Variants in CTNNA3 observed in about 807,000 individuals in gnomAD.
CTNNA3 encodes the protein catenin alpha-3.
A neutral mutation model predicts 95.7 loss-of-function variants in CTNNA3; 76 were observed. That is an observed-to-expected ratio of 0.79 (90% CI 0.66 to 0.96). CTNNA3 has a LOEUF of 0.96. Ranked by LOEUF, CTNNA3 falls within the 40% of genes least tolerant of loss-of-function variation. The pLI, the probability that CTNNA3 is intolerant of heterozygous loss-of-function variation, is 0.00. For synonymous variants in CTNNA3, 431 were observed against 374.4 expected, an observed-to-expected ratio of 1.15 and a Z score of -1.74; for missense variants, 1,191 against 1,089.8, an observed-to-expected ratio of 1.09 and a Z score of -1.31.
At chr10:66,578,917 CTG>C (rs1342963941) in intron 10 of CTNNA3, among the ~76,000 whole-genome samples, 1 of 150,256 alleles carries the variant, frequency 6.7e-6, no homozygotes, top group Non-Finnish European at 1.5e-5. Flanking sequence ...TTAGTACTAG[CTG>C]TTTTTTGTAT....
chr10:66,919,281 T>C (rs1388709611), intron 7 of CTNNA3, among the ~76,000 whole-genome samples: 1 of 152,108 alleles, frequency 6.6e-6, no homozygotes, highest in Non-Finnish European at 1.5e-5. Context: ...GGAGTTGATA[T>C]TTATTATACT....
chr10:67,115,857 TC>T (rs1183268032), intron 7 of CTNNA3, among the ~76,000 whole-genome samples: 1 of 151,810 alleles, frequency 6.6e-6, no homozygotes, highest in East Asian at 1.9e-4. Flanking sequence ...ATCTGACACT[TC>T]CTAGGCCAAA....
Position 65,954,568 on chromosome 10 carries a change from G to A in CTNNA3, c.2400+12044C>T, listed in dbSNP as rs534661794. Among the ~76,000 whole-genome samples the A allele has an allele frequency of 4.8e-4, 73 of 152,254 alleles. 1 individual carries two copies. The highest frequency in any genetic ancestry group is 1.7e-3 in the African/African-American group (70 of 41,546). On this transcript the variant is annotated intron_variant, in intron 17 of 17. Transcript: ENST00000433211. ...CATCTTGACTTAATTTTTGTATAAG[G>A]TGTAAGGAAGGGATCCAGTTTCAGC...
At chr10:67,210,741 C>T (rs989528386) in intron 6 of CTNNA3, among the ~76,000 whole-genome samples, 1 of 148,870 alleles carries the variant, frequency 6.7e-6, no homozygotes, top group African/African-American at 2.5e-5. Context: ...TGGGGGGGGG[C>T]TCAATAAAAA....
chr10:66,956,599 T>C (rs1055465356), intron 7 of CTNNA3, among the ~76,000 whole-genome samples: 1 of 152,174 alleles, frequency 6.6e-6, no homozygotes, highest in Non-Finnish European at 1.5e-5. Context: ...CTGCAAAAAG[T>C]CAATAGTCAA....
chr10:67,101,143 C>A (rs1858313198), intron 7 of CTNNA3, among the ~76,000 whole-genome samples: 1 of 151,632 alleles, frequency 6.6e-6, no homozygotes, highest in Non-Finnish European at 1.5e-5. Context: ...TGTGAATGTG[C>A]AGAACAGATG....
intron 9 of CTNNA3, among the ~76,000 whole-genome samples, chr10:66,678,492 T>A (rs950990998): frequency 1.1e-4 from 17 of 152,160 alleles, no homozygotes; most frequent in South Asian, 4.1e-4. Context: ...CCCCTGCCCT[T>A]AAGTTGTCTA....
chr10:67,064,330 T>C (rs547074207), intron 7 of CTNNA3, among the ~76,000 whole-genome samples: 1 of 152,326 alleles, frequency 6.6e-6, no homozygotes, highest in South Asian at 2.1e-4. Flanking sequence ...TTTTCTACAA[T>C]GATCCATCCC....
At chr10:67,284,514 TG>T (rs1232330126) in intron 5 of CTNNA3, among the ~76,000 whole-genome samples, 1 of 152,208 alleles carries the variant, frequency 6.6e-6, no homozygotes, top group Non-Finnish European at 1.5e-5. Flanking sequence ...TATTTTTATC[TG>T]TACTTACAGC....
intron 12 of CTNNA3, among the ~76,000 whole-genome samples, chr10:66,317,045 G>T (rs373478278): frequency 6.6e-6 from 1 of 151,988 alleles, no homozygotes; most frequent in Non-Finnish European, 1.5e-5. Flanking sequence ...GTTCAGTTTC[G>T]CATTACATTC....
chr10:66,314,525 TCTTG>T (rs1482447065), intron 12 of CTNNA3, among the ~76,000 whole-genome samples: 6 of 152,086 alleles, frequency 3.9e-5, no homozygotes, highest in African/African-American at 1.4e-4. Flanking sequence ...AAGGGGACAT[TCTTG>T]AAGTATGGCA....
chr10:67,145,721 G>A (rs12267157), intron 7 of CTNNA3, among the ~76,000 whole-genome samples: 2,734 of 152,064 alleles, frequency 0.018, 60 homozygotes, highest in African/African-American at 0.063. Context: ...GAGCCACTGC[G>A]CCCGGCCTGA....
At chr10:66,328,020 T>C (rs1210639641) in intron 12 of CTNNA3, among the ~76,000 whole-genome samples, 4 of 152,072 alleles carry the variant, frequency 2.6e-5, no homozygotes, top group Non-Finnish European at 4.4e-5. Context: ...GAATCTAACA[T>C]CACCATTCTT....
At chr10:66,237,437 T>C (rs1009709810) in intron 13 of CTNNA3, among the ~76,000 whole-genome samples, 2 of 152,040 alleles carry the variant, frequency 1.3e-5, no homozygotes, top group Admixed American at 6.6e-5. Context: ...TGTTATTCGA[T>C]CCTCCTTGGC....
At chr10:67,611,660 T>TCTATAA (rs1405625982) in intron 2 of CTNNA3, among the ~76,000 whole-genome samples, 2 of 152,156 alleles carry the variant, frequency 1.3e-5, no homozygotes, top group African/African-American at 2.4e-5. Flanking sequence ...ACAATTATAT[T>TCTATAA]CTATAACCTT....
At chr10:67,369,180 G>GT (rs1361097430) in intron 5 of CTNNA3, among the ~76,000 whole-genome samples, 4 of 152,096 alleles carry the variant, frequency 2.6e-5, no homozygotes, top group African/African-American at 9.7e-5. Flanking sequence ...TACTGATGCT[G>GT]TAAGATGAAT....
At chr10:66,541,002 A>G (rs773303202) in intron 10 of CTNNA3, among the ~76,000 whole-genome samples, 1 of 152,158 alleles carries the variant, frequency 6.6e-6, no homozygotes, top group Non-Finnish European at 1.5e-5. Flanking sequence ...TCAGATCTAC[A>G]TGGAATATTT....
rs149706125 is a variant in CTNNA3 at position 66,758,546 on chromosome 10, T to C, written c.1281+7718A>G. ...TTCTTCAGCTAGTTGTCAGTTAGCATGTTTGCTTGTTACCTCTTGACCAAA... is the reference window on the plus strand; with the variant it reads ...TTCTTCAGCTAGTTGTCAGTTAGCACGTTTGCTTGTTACCTCTTGACCAAA... On this transcript the variant is annotated intron_variant, in intron 9 of 17. Coordinates refer to ENST00000433211, the MANE Select transcript of CTNNA3 (RefSeq NM_013266.4). Among the ~76,000 whole-genome samples, 12 of 152,284 alleles carry C rather than the reference T, an allele frequency of 7.9e-5. No homozygotes were observed. The South Asian group carries it at 2.3e-3, about 29-fold the overall frequency.
intron 13 of CTNNA3, among the ~76,000 whole-genome samples, chr10:66,159,048 G>C (rs1036353153): frequency 6.6e-6 from 1 of 151,972 alleles, no homozygotes; most frequent in Non-Finnish European, 1.5e-5. Flanking sequence ...TCAGTTCTAG[G>C]AGATTTCTGG....
Sources: allele counts gnomAD v4.1 joint callset (sites outside exome capture counted in the v4.1 genomes callset), GRCh38; gene constraint gnomAD v4.1.1; transcripts MANE v1.5; gene names NCBI Gene and HGNC (gene_info 2026-07-23, HGNC 2026-07-21).